LMLN: variants seen among roughly 807,000 people sequenced by gnomAD.
The protein encoded by LMLN is leishmanolysin like peptidase.
LMLN carries 70 observed loss-of-function variants against 92.3 expected under a neutral mutation model. The observed-to-expected ratio is 0.76, with a 90% CI of 0.63 to 0.92. The LOEUF is 0.92. Among genes scored for constraint, LMLN ranks in the 40% least tolerant of loss-of-function variants. The pLI is 0.00. For synonymous variants in LMLN, 308 were observed against 296.2 expected (o/e 1.04, Z -0.41); for missense variants, 691 against 814.6 (o/e 0.85, Z 1.85).
chr3:198,043,669 A>C (rs1376203839), exon 16 of LMLN: 1 of 152,644 alleles, frequency 6.6e-6, no homozygotes, highest in Non-Finnish European at 1.5e-5. Context: ...ATTGAACTTT[A>C]AGTGTGATAT....
rs145890517 is a variant in LMLN at position 198,042,539 on chromosome 3, C to T, written c.*3872C>T. 6.6e-6 allele frequency: 1 copy of T among 152,276 alleles called. No homozygotes were observed. The highest frequency in any genetic ancestry group is 1.9e-4 in the East Asian group (1 of 5,190). The allele number at this position is 152,276 out of a possible 1,614,324, so 9.4% of individuals were successfully genotyped here. A position where few individuals can be genotyped will look rare whatever the true frequency, so the allele number is the denominator to read the frequency against. ...GTTATACCCTTCATGTTAGCAAAGA[C>T]GAAGCCACGTCGCTGTGTTAAGAGG... On this transcript the variant is annotated 3_prime_UTR_variant, in exon 16 of 16. Coordinates refer to ENST00000330198, the Ensembl canonical transcript of LMLN. The surrounding 1 kb of genome is among the most constrained non-coding windows in gnomAD (Gnocchi z 4.2).
intron 8 of LMLN, among the ~76,000 whole-genome samples, chr3:197,987,621 C>T (rs1302047571): frequency 3.3e-5 from 5 of 152,140 alleles, no homozygotes; most frequent in East Asian, 1.9e-4. Flanking sequence ...TGATATCCAT[C>T]GTAATTTTCT....
At chr3:197,991,802 G>A (rs1329926106) in intron 9 of LMLN, among the ~76,000 whole-genome samples, 2 of 151,310 alleles carry the variant, frequency 1.3e-5, no homozygotes, top group Non-Finnish European at 2.9e-5. Flanking sequence ...TCCCATCTCT[G>A]AAAATCTCTA....
intron 13 of LMLN, among the ~76,000 whole-genome samples, chr3:198,022,278 A>G (rs1413294623): frequency 6.6e-6 from 1 of 152,242 alleles, no homozygotes; most frequent in Non-Finnish European, 1.5e-5. Context: ...AAAGGAATAA[A>G]CAGTATGGCA....
intron 15 of LMLN, 56 bp downstream of exon 16, chr3:198,036,099 C>G: frequency 6.8e-7 from 1 of 1,474,572 alleles, no homozygotes; most frequent in South Asian, 1.1e-5. Context: ...GTGAACTTCT[C>G]TTATAAAATG....
exon 15 of LMLN, chr3:198,035,978 T>G: frequency 6.2e-7 from 1 of 1,614,116 alleles, no homozygotes; most frequent in African/African-American, 1.3e-5. Flanking sequence ...TGTTGGGACT[T>G]CTGTGAGCTC....
chr3:198,035,568 G>A (rs1282475873), intron 14 of LMLN, among the ~76,000 whole-genome samples: 1 of 151,670 alleles, frequency 6.6e-6, no homozygotes, highest in African/African-American at 2.4e-5. Flanking sequence ...TCACCATGTT[G>A]GCCAGGATGA....
chr3:198,008,813 T>A (rs1722360118), intron 11 of LMLN, among the ~76,000 whole-genome samples: 2 of 152,338 alleles, frequency 1.3e-5, no homozygotes, highest in Admixed American at 1.3e-4. Context: ...TCAAAATATT[T>A]TTCTCTTTTA....
intron 1 of LMLN, among the ~76,000 whole-genome samples, chr3:197,965,198 T>C (rs1721021449): frequency 6.6e-6 from 1 of 152,058 alleles, no homozygotes; most frequent in African/African-American, 2.4e-5. Context: ...ATTTTTATTT[T>C]TGTAGAGACA....
intron 1 of LMLN, among the ~76,000 whole-genome samples, chr3:197,964,822 A>G (rs1721006171): frequency 6.6e-6 from 1 of 151,882 alleles, no homozygotes; most frequent in African/African-American, 2.4e-5. Context: ...ACCCTGGCCA[A>G]CATGGCGAGA....
At chr3:197,968,257 G>A (rs1721116693) in intron 1 of LMLN, among the ~76,000 whole-genome samples, 1 of 152,058 alleles carries the variant, frequency 6.6e-6, no homozygotes, top group Non-Finnish European at 1.5e-5. Context: ...ACGAGGTCAG[G>A]AGATCGAAAC....
chr3:197,994,854 T>C (rs1362707692), intron 9 of LMLN: 3 of 152,254 alleles, frequency 2.0e-5, no homozygotes, highest in Non-Finnish European at 4.4e-5. Flanking sequence ...CCTTGTTCCA[T>C]GTTTACACAA....
At chr3:198,027,625 C>T (rs187024796) in intron 14 of LMLN, among the ~76,000 whole-genome samples, 6 of 152,270 alleles carry the variant, frequency 3.9e-5, no homozygotes, top group African/African-American at 1.4e-4. Flanking sequence ...CCTTTTGTAC[C>T]TGACTCCTTT....
At chr3:198,008,194 C>G (rs923862910) in intron 11 of LMLN, among the ~76,000 whole-genome samples, 26 of 152,070 alleles carry the variant, frequency 1.7e-4, no homozygotes, top group Admixed American at 2.0e-4. Context: ...GGAGTTTTCT[C>G]TTTTTTCCCC....
intron 11 of LMLN, among the ~76,000 whole-genome samples, chr3:198,007,669 C>G (rs1030476021): frequency 6.6e-6 from 1 of 152,146 alleles, no homozygotes; most frequent in African/African-American, 2.4e-5. Context: ...GTTTTGGTTC[C>G]TTTGCATTTC....
rs1021165077 is a variant in LMLN, at chr3:198,019,267, G to A, written c.1247G>A (p.Ser416Asn). The change falls in exon 12 of 16, where the codon AGC (serine) becomes AAC (asparagine). Residue 416 changes from serine to asparagine, a missense_variant. This residue lies in a region of LMLN where 352 missense variants were observed against 443.6 expected (regional missense o/e 0.79). Transcript: ENST00000330198. The surrounding 1 kb of genome is among the most constrained non-coding windows in gnomAD (Gnocchi z 5.5). ...TTTGTTTGCAGGAGACAGATGCTGA[G>A]CCCTTACTGTGACACGCTCAGAAGT... 1.2e-6 allele frequency: 2 copies of A among 1,613,388 alleles called. No homozygotes were observed. The highest frequency in any genetic ancestry group is 8.5e-7 in the Non-Finnish European group (1 of 1,179,864).
chr3:197,988,986 G>A (rs1317498474), intron 8 of LMLN, among the ~76,000 whole-genome samples: 2 of 152,110 alleles, frequency 1.3e-5, no homozygotes, highest in African/African-American at 2.4e-5. Flanking sequence ...CCTGGCCTAT[G>A]TAGTATATCT....
rs1468293829 is a variant in LMLN, at chr3:198,013,542, T to C, written c.1233-5711T>C. 2.3e-5 allele frequency among the ~76,000 whole-genome samples: 3 copies of C among 132,288 alleles called. No homozygotes were observed. The East Asian group carries it at 6.0e-4, about 27-fold the overall frequency. 86.8% of individuals were successfully genotyped at this position (132,288 alleles called of 152,430 possible). On this transcript the variant is annotated intron_variant, in intron 11 of 15. Transcript: ENST00000330198. ...AACTAGTCTGACTTCTCTGTACCCT[T>C]CAAAGCCTCCTAACTAGTCTGACTT...
chr3:197,978,808 C>T (rs933272417), intron 5 of LMLN, among the ~76,000 whole-genome samples: 8 of 151,858 alleles, frequency 5.3e-5, no homozygotes, highest in Admixed American at 6.6e-5. Context: ...CTGGCCAACA[C>T]GGTGAAACCT....
Sources: gnomAD v4.1 joint callset for allele counts (sites outside exome capture counted in the v4.1 genomes callset) on GRCh38, gnomAD v4.1.1 for gene constraint, gnomAD v4.1.1 regional missense constraint, Gnocchi (gnomAD v3.1) non-coding constraint, MANE v1.5 for transcripts, NCBI Gene and HGNC (gene_info 2026-07-23, HGNC 2026-07-21) for gene names.